Variants in RNPS1 observed in about 807,000 individuals in gnomAD.
The protein encoded by RNPS1 is RNA-binding protein with serine-rich domain 1.
For missense variants in RNPS1, 300 were observed against 427.6 expected (o/e 0.70, Z 2.63); for synonymous variants, 147 against 150.0 (o/e 0.98, Z 0.15).
In RNPS1 at chr16:2,260,269, C is replaced by A. The variant is rs566523927; in HGVS notation, c.676+2009G>T. 3.3e-5 allele frequency among the ~76,000 whole-genome samples: 5 copies of A among 149,988 alleles called. No homozygotes were observed. In the East Asian group the frequency reaches 7.9e-4, roughly 24 times the overall value. On this transcript the variant is annotated intron_variant, in intron 6 of 7. Transcript: ENST00000320225. ...CTCCTAGGTTCAAGCAATTCTCCTG[C>A]CTCAGCCTCCCAAGTAGCTGGGACC...
chr16:2,266,801 T>C (rs1459666775), intron 1 of RNPS1: 1 of 665,986 alleles, frequency 1.5e-6, no homozygotes, highest in Admixed American at 6.3e-5. Context: ...TTTTTAACGT[T>C]TGACACATCC....
chr16:2,258,088 A>G (rs1256662715), intron 6 of RNPS1: 1 of 152,246 alleles, frequency 6.6e-6, no homozygotes, highest in Non-Finnish European at 1.5e-5. Flanking sequence ...AAATAGCTAT[A>G]AACGTCATGA....
chr16:2,258,728 A>C (rs543709676), intron 6 of RNPS1: 1 of 152,296 alleles, frequency 6.6e-6, no homozygotes, highest in South Asian at 2.1e-4. Context: ...TCTGTCTCAA[A>C]AAAAGGTGTG....
chr16:2,261,990 T>C (rs929164396), intron 6 of RNPS1, among the ~76,000 whole-genome samples: 1 of 152,174 alleles, frequency 6.6e-6, no homozygotes, highest in Non-Finnish European at 1.5e-5. Flanking sequence ...CTGAAAAACT[T>C]TGTAATTTTA....
intron 6 of RNPS1, 155 bp from the exon 7 acceptor site, chr16:2,255,881 A>C (rs780884238): frequency 2.4e-5 from 19 of 776,562 alleles, no homozygotes; most frequent in South Asian, 3.4e-5. Context: ...TAATCCCAGC[A>C]CTTTGGGAAG....
rs2093561819 is a variant in RNPS1 at position 2,253,629 on chromosome 16, G to A, written c.*335C>T. 2.2e-6 allele frequency: 1 copy of A among 449,342 alleles called. No homozygotes were observed. Among genetic ancestry groups the A allele is most frequent in the South Asian group, 2.1e-5 (1 of 46,756 alleles). 27.8% of individuals were successfully genotyped at this position (449,342 alleles called of 1,614,324 possible). On this transcript the variant is annotated 3_prime_UTR_variant, in exon 8 of 8. Coordinates refer to ENST00000320225, the MANE Select transcript of RNPS1 (RefSeq NM_080594.4). ...CTGGCCACCATCCCAGGTCATCGGGGAAGGGAAAAGTGTGCTCCCAGGTAA... is the reference window on the plus strand; with the variant it reads ...CTGGCCACCATCCCAGGTCATCGGGAAAGGGAAAAGTGTGCTCCCAGGTAA...
chr16:2,264,522 T>C, intron 2 of RNPS1, 51 bp downstream of exon 2: 1 of 1,582,012 alleles, frequency 6.3e-7, no homozygotes, highest in Non-Finnish European at 8.7e-7. Context: ...TGCGGGTCCC[T>C]AGCAGTAAGC....
At chr16:2,261,145 T>C (rs540392554) in intron 6 of RNPS1, among the ~76,000 whole-genome samples, 1 of 151,688 alleles carries the variant, frequency 6.6e-6, no homozygotes, top group South Asian at 2.1e-4. Context: ...AAAAAAAAAA[T>C]TGTTTCAAAA....
At chr16:2,260,640 A>G (rs889433040) in intron 6 of RNPS1, among the ~76,000 whole-genome samples, 1 of 152,216 alleles carries the variant, frequency 6.6e-6, no homozygotes, top group African/African-American at 2.4e-5. Flanking sequence ...CCCAACTCAC[A>G]GGTATTTAAT....
At chr16:2,263,834 T>A in intron 3 of RNPS1, 1 of 280,516 alleles carries the variant, frequency 3.6e-6, no homozygotes, top group South Asian at 4.0e-5. Flanking sequence ...GCCTCAGCCC[T>A]CCCAAGTAGC....
intron 1 of RNPS1, chr16:2,266,372 T>G (rs4018447): frequency 1.7e-4 from 165 of 970,404 alleles, no homozygotes; most frequent in Non-Finnish European, 1.9e-4. Context: ...TCGACACTCT[T>G]TGTGTCCTCG....
chr16:2,255,855 T>C, intron 6 of RNPS1, 129 bp from the exon 7 acceptor site: 2 of 1,052,238 alleles, frequency 1.9e-6, no homozygotes, highest in South Asian at 1.5e-5. Flanking sequence ...GGGCCGGGCA[T>C]GGTGGCTCAC....
chr16:2,253,423 GCACGGACAGACAGAAC>G lies in RNPS1; in HGVS notation c.*525_*540del, dbSNP rs2093560613. On this transcript the variant is annotated 3_prime_UTR_variant, in exon 8 of 8. Transcript: ENST00000320225. ...GGTGGGGTGCGGTGTGTGCATCGGTGCACGGACAGACAGAACCACGAGCAGCAACTACCATGGGTGA... is the reference window on the plus strand; with the variant it reads ...GGTGGGGTGCGGTGTGTGCATCGGTGCACGAGCAGCAACTACCATGGGTGA... 2 of 199,998 alleles carry G rather than the reference GCACGGACAGACAGAAC, an allele frequency of 1.0e-5. No individual in the cohort carries two copies. Among genetic ancestry groups the G allele is most frequent in the Admixed American group, 1.2e-4 (2 of 17,200 alleles). 12.4% of individuals were successfully genotyped at this position (199,998 alleles called of 1,614,324 possible). A position where few individuals can be genotyped will look rare whatever the true frequency, so the allele number is the denominator to read the frequency against.
chr16:2,255,827 A>G (rs1403852901), intron 6 of RNPS1, 101 bp from the exon 7 acceptor site: 1 of 1,322,488 alleles, frequency 7.6e-7, no homozygotes. Flanking sequence ...ATGACAATGT[A>G]AGATAATCAC....
chr16:2,255,514 G>C, intron 7 of RNPS1, 71 bp downstream of exon 7: 7 of 1,497,254 alleles, frequency 4.7e-6, no homozygotes, highest in Non-Finnish European at 6.3e-6. Context: ...GCTGAATAAA[G>C]GGTCTGAAAG....
intron 1 of RNPS1, chr16:2,267,324 A>G (rs1232961748): frequency 1.9e-5 from 19 of 984,544 alleles, no homozygotes; most frequent in Non-Finnish European, 2.1e-5. Context: ...TTCCCCATTT[A>G]AAAGTACATT....
At chr16:2,261,503 A>G (rs994088897) in intron 6 of RNPS1, among the ~76,000 whole-genome samples, 1 of 152,234 alleles carries the variant, frequency 6.6e-6, no homozygotes, top group Admixed American at 6.5e-5. Context: ...TGATTAATAA[A>G]TACATATACA....
chr16:2,261,374 A>C (rs990787178), intron 6 of RNPS1, among the ~76,000 whole-genome samples: 1 of 152,174 alleles, frequency 6.6e-6, no homozygotes, highest in South Asian at 2.1e-4. Context: ...AGAAAGTGCT[A>C]CCGGGAACAA....
intron 6 of RNPS1, chr16:2,258,434 T>C (rs1363251877): frequency 6.6e-6 from 1 of 152,212 alleles, no homozygotes; most frequent in Non-Finnish European, 1.5e-5. Context: ...CACTAAGAAC[T>C]GGAATCCATG....
Sources: gnomAD v4.1 joint callset for allele counts (sites outside exome capture counted in the v4.1 genomes callset) on GRCh38, gnomAD v4.1.1 for gene constraint, MANE v1.5 for transcripts, NCBI Gene and HGNC (gene_info 2026-07-23, HGNC 2026-07-21) for gene names.